IHO1: variants seen among roughly 807,000 people sequenced by gnomAD.
The protein encoded by IHO1 is interactor of HORMAD1 1.
A neutral mutation model predicts 31.0 loss-of-function variants in IHO1; 13 were observed. That is an observed-to-expected ratio of 0.42 (90% CI 0.27 to 0.67). The LOEUF is 0.67. IHO1 is among the 30% of genes least tolerant of loss of function. The pLI is 0.24. For synonymous variants in IHO1, 221 were observed against 248.4 expected, an observed-to-expected ratio of 0.89 and a Z score of 1.04; for missense variants, 599 against 687.5, an observed-to-expected ratio of 0.87 and a Z score of 1.44.
chr3:49,196,979 C>CTTT (rs1162418107), upstream of IHO1, among the ~76,000 whole-genome samples: 4 of 94,312 alleles, frequency 4.2e-5, no homozygotes, highest in Non-Finnish European at 6.5e-5. Context: ...CACGTTTTTA[C>CTTT]TTTTTTTTTT....
At chr3:49,220,907 G>C (rs992328477) in intron 2 of IHO1, among the ~76,000 whole-genome samples, 4 of 152,148 alleles carry the variant, frequency 2.6e-5, no homozygotes, top group African/African-American at 9.7e-5. Context: ...CAAAGAGTGA[G>C]CAGCAGCAAA....
chr3:49,196,327 T>C (rs1208349019), upstream of IHO1, among the ~76,000 whole-genome samples: 1 of 149,120 alleles, frequency 6.7e-6, no homozygotes, highest in Non-Finnish European at 1.5e-5. Context: ...GTTTTTACTT[T>C]TTTTTTTTTT....
At chr3:49,253,519 G>A (rs1472100153) in intron 6 of IHO1, among the ~76,000 whole-genome samples, 1 of 152,144 alleles carries the variant, frequency 6.6e-6, no homozygotes, top group Non-Finnish European at 1.5e-5. Context: ...CCTCCCCTCA[G>A]CTGTGGCCTG....
chr3:49,227,940 T>A (rs190988274), intron 2 of IHO1, among the ~76,000 whole-genome samples: 1 of 152,260 alleles, frequency 6.6e-6, no homozygotes, highest in East Asian at 1.9e-4. Flanking sequence ...TGGGCAAAAA[T>A]TATGTCTTTC....
intron 2 of IHO1, among the ~76,000 whole-genome samples, chr3:49,232,059 C>T (rs554286537): frequency 6.6e-6 from 1 of 152,304 alleles, no homozygotes; most frequent in East Asian, 1.9e-4. Context: ...AGTCTTCTGC[C>T]TGTGTTAAAT....
intron 3 of IHO1, among the ~76,000 whole-genome samples, chr3:49,240,005 C>T (rs1206693066): frequency 1.3e-5 from 2 of 152,116 alleles, no homozygotes; most frequent in South Asian, 2.1e-4. Context: ...CAAATAGGGA[C>T]TTAACAAATA....
intron 2 of IHO1, among the ~76,000 whole-genome samples, chr3:49,218,199 A>C (rs968225102): frequency 6.6e-6 from 1 of 151,556 alleles, no homozygotes; most frequent in African/African-American, 2.4e-5. Context: ...TTCTCTGGGC[A>C]CAAGCAAGCT....
At chr3:49,228,437 T>A in intron 2 of IHO1, 1 of 377,714 alleles carries the variant, frequency 2.6e-6, no homozygotes, top group South Asian at 1.9e-5. Flanking sequence ...AGGTGCCCGG[T>A]ATTTAGCCCC....
intron 3 of IHO1, among the ~76,000 whole-genome samples, chr3:49,240,364 C>T (rs1575583043): frequency 6.6e-6 from 1 of 152,298 alleles, no homozygotes. Context: ...GTTGGGATTA[C>T]AGGCGCCTGC....
chr3:49,255,058 G>A (rs897897759), intron 6 of IHO1, among the ~76,000 whole-genome samples: 5 of 147,484 alleles, frequency 3.4e-5, no homozygotes, highest in African/African-American at 7.6e-5. Context: ...GCTAGTCTCC[G>A]TCTCAAAAAA....
intron 3 of IHO1, among the ~76,000 whole-genome samples, 195 bp from the exon 4 acceptor site, chr3:49,241,031 A>G (rs2046624614): frequency 6.6e-6 from 1 of 152,242 alleles, no homozygotes; most frequent in Non-Finnish European, 1.5e-5. Flanking sequence ...GCAAAAATCT[A>G]TATTAATAAA....
chr3:49,241,346 C>A lies in IHO1; in HGVS notation c.352C>A (p.Gln118Lys). The A allele has an allele frequency of 6.2e-7, 1 of 1,612,094 alleles. No homozygotes were observed. The highest frequency in any genetic ancestry group is 2.2e-5 in the East Asian group (1 of 44,828). Reference protein sequence around the residue: ...SVGKSKGLLEQFEEKKKRAKD... With the variant: ...SVGKSKGLLEKFEEKKKRAKD... ...TGGAAAATCAAAAGGCCTCTTGGAACAGTTTGAGGAGAAAAAGAAAAGGGC... is the reference window on the plus strand; with the variant it reads ...TGGAAAATCAAAAGGCCTCTTGGAAAAGTTTGAGGAGAAAAAGAAAAGGGC... Residue 118 changes from glutamine to lysine, a missense_variant, in exon 4 of 8, where the codon CAG becomes AAG. By Grantham distance (53) the Gln-to-Lys change is moderately conservative (BLOSUM62 1). Coordinates refer to ENST00000452691, the MANE Select transcript of IHO1 (RefSeq NM_001135197.2).
chr3:49,236,734 T>G lies in IHO1; in HGVS notation c.231+12T>G. The G allele has an allele frequency of 6.2e-7, 1 of 1,606,094 alleles. No individual in the cohort carries two copies. Among genetic ancestry groups the G allele is most frequent in the Non-Finnish European group, 8.5e-7 (1 of 1,176,692 alleles). ...AGAACTATCTGGAGGTGAGTCTGGT[T>G]TCCAGAATTGATCTGCACACATTTC... On this transcript the variant is annotated intron_variant, in intron 3 of 7. Transcript: ENST00000452691.
At chr3:49,228,689 C>T (rs1033141404) in intron 2 of IHO1, among the ~76,000 whole-genome samples, 1 of 152,100 alleles carries the variant, frequency 6.6e-6, no homozygotes, top group African/African-American at 2.4e-5. Flanking sequence ...GGAGTTTCTT[C>T]CTTCCAGTGG....
At chr3:49,242,644 C>T (rs1009476537) in intron 4 of IHO1, among the ~76,000 whole-genome samples, 4 of 152,030 alleles carry the variant, frequency 2.6e-5, no homozygotes, top group Non-Finnish European at 4.4e-5. Context: ...ATTTTAGAGT[C>T]TAGAATAGAA....
intron 6 of IHO1, among the ~76,000 whole-genome samples, chr3:49,246,855 T>G (rs1395775519): frequency 6.6e-6 from 1 of 151,694 alleles, no homozygotes; most frequent in African/African-American, 2.4e-5. Context: ...CTTTTTTTCT[T>G]TTCTTTTTTT....
At chr3:49,244,579 A>C in intron 5 of IHO1, 67 bp from the exon 6 acceptor site, 1 of 1,444,960 alleles carries the variant, frequency 6.9e-7, no homozygotes, top group Non-Finnish European at 9.6e-7. Flanking sequence ...TCATGAAATG[A>C]CAATTCTCTA....
chr3:49,214,721 C>A (rs2046267807), intron 2 of IHO1, among the ~76,000 whole-genome samples: 1 of 140,204 alleles, frequency 7.1e-6, no homozygotes, highest in South Asian at 2.3e-4. Context: ...CTCACTGCAA[C>A]CTTCACCTCC....
chr3:49,248,126 A>C (rs2046718076), intron 6 of IHO1, among the ~76,000 whole-genome samples: 1 of 18,558 alleles, frequency 5.4e-5, no homozygotes. Context: ...CTCCATCTCA[A>C]AAAAAAAAAA....
Sources: gnomAD v4.1 joint callset for allele counts (sites outside exome capture counted in the v4.1 genomes callset) on GRCh38, gnomAD v4.1.1 for gene constraint, MANE v1.5 for transcripts, NCBI Gene and HGNC (gene_info 2026-07-23, HGNC 2026-07-21) for gene names.